ARHGEF9: variants seen among roughly 807,000 people sequenced by gnomAD.
The protein encoded by ARHGEF9 is Cdc42 guanine nucleotide exchange factor 9, also known as rho guanine nucleotide exchange factor 9.
In ARHGEF9, 2 loss-of-function variants were observed where a neutral mutation model predicts 41.3. That is an observed-to-expected ratio of 0.05 (90% CI 0.02 to 0.15). The LOEUF is 0.15. Among genes scored for constraint, ARHGEF9 ranks in the 10% least tolerant of loss-of-function variants. The probability of loss-of-function intolerance (pLI) is 1.00; values close to 1 mark genes in which losing one functional copy is unlikely to be tolerated. For missense variants in ARHGEF9, 225 were observed against 424.7 expected, an observed-to-expected ratio of 0.53 and a Z score of 4.13; for synonymous variants, 160 against 154.4, an observed-to-expected ratio of 1.04 and a Z score of -0.27.
At chrX:63,677,393 A>G (rs1172683798) in intron 5 of ARHGEF9, among the ~76,000 whole-genome samples, 1 of 111,751 alleles carries the variant, frequency 8.9e-6, no homozygotes, top group Non-Finnish European at 1.9e-5. Flanking sequence ...GGCCATTCTG[A>G]CTGCCTGTAT....
At chrX:63,665,357 G>A (rs1268481163) in intron 7 of ARHGEF9, among the ~76,000 whole-genome samples, 1 of 112,260 alleles carries the variant, frequency 8.9e-6, no homozygotes, top group African/African-American at 3.2e-5. Flanking sequence ...GGGTTGTGGG[G>A]AACCAGTGCA....
chrX:63,712,042 T>C (rs781836177), intron 2 of ARHGEF9, among the ~76,000 whole-genome samples: 2 of 112,297 alleles, frequency 1.8e-5, no homozygotes, highest in Non-Finnish European at 3.8e-5. Context: ...ATTAGCCATC[T>C]GAGAAATGCA....
intron 4 of ARHGEF9, among the ~76,000 whole-genome samples, chrX:63,691,257 G>A (rs191427098): frequency 6.4e-4 from 71 of 111,188 alleles, no homozygotes; most frequent in African/African-American, 2.2e-3. Context: ...CTACACACAC[G>A]AAATGCTGGA....
At chrX:63,745,304 G>C (rs1232820471) in intron 1 of ARHGEF9, among the ~76,000 whole-genome samples, 1 of 111,345 alleles carries the variant, frequency 9.0e-6, no homozygotes, top group Non-Finnish European at 1.9e-5. Context: ...TCACAGGGCT[G>C]CATCTACTGC....
At chrX:63,652,877 G>A (rs1465647563) in intron 8 of ARHGEF9, among the ~76,000 whole-genome samples, 1 of 110,456 alleles carries the variant, frequency 9.1e-6, no homozygotes, top group Non-Finnish European at 1.9e-5. Flanking sequence ...GAGTTCTCAC[G>A]AGATCTGATG....
intron 8 of ARHGEF9, among the ~76,000 whole-genome samples, chrX:63,654,495 A>T (rs1250423877): frequency 9.0e-6 from 1 of 111,692 alleles, no homozygotes; most frequent in Non-Finnish European, 1.9e-5. Context: ...TTCCAATGAG[A>T]CTCAAAGTGA....
intron 8 of ARHGEF9, among the ~76,000 whole-genome samples, chrX:63,648,253 C>T (rs1243918207): frequency 1.9e-4 from 21 of 111,540 alleles, no homozygotes; most frequent in Admixed American, 1.7e-3. Context: ...GCGGATCTCT[C>T]GGCAGAAACT....
intron 4 of ARHGEF9, among the ~76,000 whole-genome samples, chrX:63,684,477 A>G (rs1278293346): frequency 9.0e-6 from 1 of 111,255 alleles, no homozygotes; most frequent in African/African-American, 3.3e-5. Context: ...GATGTTCCCA[A>G]AGAAATCAAA....
intron 7 of ARHGEF9, among the ~76,000 whole-genome samples, chrX:63,662,983 T>C (rs1190558265): frequency 1.8e-5 from 2 of 111,979 alleles, no homozygotes; most frequent in Non-Finnish European, 3.8e-5. Context: ...CTGGGATGTA[T>C]ATATTTTTAA....
intron 1 of ARHGEF9, among the ~76,000 whole-genome samples, chrX:63,766,109 C>T (rs1556451768): frequency 8.9e-6 from 1 of 112,338 alleles, no homozygotes; most frequent in Admixed American, 9.4e-5. Flanking sequence ...TAGCATATAA[C>T]TTCCTTCTAG....
chrX:63,730,292 A>G (rs782275219), intron 1 of ARHGEF9, among the ~76,000 whole-genome samples: 6 of 112,761 alleles, frequency 5.3e-5, no homozygotes, highest in Middle Eastern at 9.1e-3. Context: ...TAATTCTCCA[A>G]TGTAAGCATT....
chrX:63,689,689 A>G (rs1170149239), intron 4 of ARHGEF9, among the ~76,000 whole-genome samples: 1 of 111,901 alleles, frequency 8.9e-6, no homozygotes, highest in Non-Finnish European at 1.9e-5. Flanking sequence ...ACTGCTGGAG[A>G]CTACACATTT....
chrX:63,673,902 A>T (rs1556358649), intron 6 of ARHGEF9, 136 bp downstream of exon 6: 2 of 855,254 alleles, frequency 2.3e-6, no homozygotes, highest in Non-Finnish European at 3.2e-6. Flanking sequence ...TTAGCAAGAA[A>T]TTTTACCTTG....
intron 1 of ARHGEF9, among the ~76,000 whole-genome samples, chrX:63,764,645 A>G (rs2056085597): frequency 8.9e-6 from 1 of 112,602 alleles, no homozygotes; most frequent in African/African-American, 3.2e-5. Context: ...AGAATTAAGA[A>G]GGAATGAGAT....
intron 4 of ARHGEF9, among the ~76,000 whole-genome samples, chrX:63,681,347 A>G (rs1470913157): frequency 4.5e-5 from 5 of 112,172 alleles, no homozygotes; most frequent in African/African-American, 1.6e-4. Context: ...ACCACATGCT[A>G]TACCACAAAA....
Position 63,636,909 on chromosome X carries a change from C to A in ARHGEF9, c.*1119G>T. 3.4e-6 allele frequency: 1 copy of A among 297,306 alleles called. No individual in the cohort carries two copies. 24.5% of individuals were successfully genotyped at this position (297,306 alleles called of 1,213,427 possible). On this transcript the variant is annotated 3_prime_UTR_variant, in exon 10 of 10. Transcript: ENST00000671741. The stretch of plus-strand genomic sequence containing the variant: ...CCCCTCCATACTTCTATCAATGCTG[C>A]CCAAACATCTGTAAATGGGAGCAGG...
At chrX:63,752,935 C>T (rs1243157881) in intron 1 of ARHGEF9, among the ~76,000 whole-genome samples, 1 of 111,996 alleles carries the variant, frequency 8.9e-6, no homozygotes, top group East Asian at 2.8e-4. Flanking sequence ...TGTCCTGATT[C>T]ACTGCTATAA....
At chrX:63,745,773 A>T (rs2055234487) in intron 1 of ARHGEF9, among the ~76,000 whole-genome samples, 1 of 111,003 alleles carries the variant, frequency 9.0e-6, no homozygotes, top group Admixed American at 9.5e-5. Flanking sequence ...ACACAACTCT[A>T]TCCAAGGATG....
intron 1 of ARHGEF9, among the ~76,000 whole-genome samples, chrX:63,762,567 T>C (rs2056052143): frequency 9.0e-6 from 1 of 110,594 alleles, no homozygotes; most frequent in Non-Finnish European, 1.9e-5. Flanking sequence ...CATAAATAGA[T>C]GGGGGCTTAT....
Sources: allele counts gnomAD v4.1 joint callset (sites outside exome capture counted in the v4.1 genomes callset), GRCh38; gene constraint gnomAD v4.1.1; transcripts MANE v1.5; gene names NCBI Gene and HGNC (gene_info 2026-07-23, HGNC 2026-07-21).